The following PIK3C2A variants were observed in gnomAD, a reference collection of about 807,000 sequenced individuals.
The protein encoded by PIK3C2A is phosphatidylinositol 4-phosphate 3-kinase C2 domain-containing subunit alpha.
PIK3C2A carries 97 observed loss-of-function variants against 204.5 expected under a neutral mutation model. The ratio of observed to expected loss-of-function variants is 0.47; its 90% CI spans 0.40 to 0.56. The LOEUF (loss-of-function observed/expected upper bound fraction) is 0.56. Ranked by LOEUF, PIK3C2A falls within the 20% of genes least tolerant of loss-of-function variation. The probability of loss-of-function intolerance (pLI) is 0.00; values close to 1 mark genes in which losing one functional copy is unlikely to be tolerated. For missense variants in PIK3C2A, 1,735 were observed against 1,969.2 expected (o/e 0.88, Z 2.25); for synonymous variants, 653 against 664.4 (o/e 0.98, Z 0.26).
At chr11:17,108,597 C>T (rs898511429) in intron 22 of PIK3C2A, among the ~76,000 whole-genome samples, 4 of 152,012 alleles carry the variant, frequency 2.6e-5, no homozygotes, top group African/African-American at 4.8e-5. Flanking sequence ...GCCTGTATGA[C>T]AGACAGAGTA....
chr11:17,090,535 A>G (rs1005069330), intron 32 of PIK3C2A, among the ~76,000 whole-genome samples: 4 of 152,186 alleles, frequency 2.6e-5, no homozygotes, highest in African/African-American at 9.7e-5. Context: ...GACAAACTGA[A>G]TAGTCTGGAA....
intron 2 of PIK3C2A, among the ~76,000 whole-genome samples, chr11:17,167,257 G>A (rs189661064): frequency 9.2e-5 from 14 of 152,250 alleles, no homozygotes; most frequent in Admixed American, 3.9e-4. Flanking sequence ...ATAAACATGA[G>A]CCATCATGCT....
At chr11:17,190,408 T>G (rs1235464888) in intron 1 of PIK3C2A, among the ~76,000 whole-genome samples, 1 of 151,452 alleles carries the variant, frequency 6.6e-6, no homozygotes, top group African/African-American at 2.4e-5. Flanking sequence ...ACCATCTCTA[T>G]TAAAATACAA....
chr11:17,174,988 T>C (rs1851293353), intron 1 of PIK3C2A, among the ~76,000 whole-genome samples: 1 of 152,222 alleles, frequency 6.6e-6, no homozygotes, highest in Non-Finnish European at 1.5e-5. Flanking sequence ...TCCACAAGCA[T>C]AATGCCAATT....
intron 1 of PIK3C2A, among the ~76,000 whole-genome samples, chr11:17,183,635 C>T (rs1011817486): frequency 6.6e-6 from 1 of 151,858 alleles, no homozygotes; most frequent in Non-Finnish European, 1.5e-5. Context: ...GAGCTGAGAT[C>T]GTGCCACTGC....
At chr11:17,134,423 G>A (rs1849804844) in intron 11 of PIK3C2A, among the ~76,000 whole-genome samples, 1 of 151,760 alleles carries the variant, frequency 6.6e-6, no homozygotes, top group East Asian at 1.9e-4. Flanking sequence ...GTGCAATGGT[G>A]CAATCTTGGC....
At chr11:17,189,812 C>CAAAAAAA (rs759869051) in intron 1 of PIK3C2A, among the ~76,000 whole-genome samples, 7 of 60,354 alleles carry the variant, frequency 1.2e-4, no homozygotes, top group African/African-American at 2.8e-4. Flanking sequence ...GGCTCTGTCT[C>CAAAAAAA]AAAAAAAAAA....
At chr11:17,117,349 A>C in intron 19 of PIK3C2A, 142 bp downstream of exon 19, 2 of 487,970 alleles carry the variant, frequency 4.1e-6, no homozygotes, top group South Asian at 1.1e-4. Context: ...CAATCTTTGA[A>C]TTTATCTGCC....
chr11:17,174,040 G>A (rs11826970), intron 1 of PIK3C2A, among the ~76,000 whole-genome samples: 35,660 of 151,612 alleles, frequency 0.24, 4,596 homozygotes, highest in Middle Eastern at 0.35. Context: ...TGGCCAGGCT[G>A]GTCTTGAACT....
At chr11:17,207,622 T>A (rs1852632621) in intron 1 of PIK3C2A, among the ~76,000 whole-genome samples, 1 of 151,714 alleles carries the variant, frequency 6.6e-6, no homozygotes, top group Non-Finnish European at 1.5e-5. Context: ...TCCTCGCACC[T>A]CCAGCGCAGC....
chr11:17,188,251 A>C (rs1403735076), intron 1 of PIK3C2A, among the ~76,000 whole-genome samples: 2 of 138,152 alleles, frequency 1.4e-5, no homozygotes, highest in Non-Finnish European at 3.0e-5. Flanking sequence ...AGGCAGGAGA[A>C]TCACTTGAGC....
At chr11:17,109,761 CCTA>C (rs1425235485) in intron 22 of PIK3C2A, among the ~76,000 whole-genome samples, 3 of 152,102 alleles carry the variant, frequency 2.0e-5, no homozygotes, top group Admixed American at 2.0e-4. Context: ...GTCTCAAACT[CCTA>C]GACTCAAGTG....
intron 11 of PIK3C2A, among the ~76,000 whole-genome samples, chr11:17,133,106 G>A (rs1268623997): frequency 6.6e-6 from 1 of 151,978 alleles, no homozygotes; most frequent in African/African-American, 2.4e-5. Flanking sequence ...CAAACTATTT[G>A]GTTATTTTTC....
At chr11:17,128,439 A>G (rs1021821413) in intron 13 of PIK3C2A, among the ~76,000 whole-genome samples, 1 of 151,970 alleles carries the variant, frequency 6.6e-6, no homozygotes, top group Admixed American at 6.6e-5. Flanking sequence ...GGATTTCACC[A>G]TGTTGGCCAG....
chr11:17,101,251 A>C (rs1215939591), intron 25 of PIK3C2A, 27 bp downstream of exon 25: 3 of 1,304,932 alleles, frequency 2.3e-6, no homozygotes, highest in Non-Finnish European at 3.1e-6. Context: ...ATATAAAACT[A>C]ATTAAGTGCT....
intron 19 of PIK3C2A, 82 bp from the exon 20 acceptor site, chr11:17,114,547 T>G: frequency 1.5e-6 from 1 of 661,710 alleles, no homozygotes; most frequent in Non-Finnish European, 2.7e-6. Context: ...TGGATACAAT[T>G]TATAAAATGC....
At chr11:17,177,040 G>A (rs1008593100) in intron 1 of PIK3C2A, among the ~76,000 whole-genome samples, 1 of 152,192 alleles carries the variant, frequency 6.6e-6, no homozygotes, top group Admixed American at 6.5e-5. Context: ...AATCTGCTCA[G>A]TCTCACAGCA....
intron 25 of PIK3C2A, among the ~76,000 whole-genome samples, chr11:17,100,627 A>G (rs1848598393): frequency 6.6e-6 from 1 of 152,152 alleles, no homozygotes; most frequent in African/African-American, 2.4e-5. Context: ...CATCACTTGA[A>G]TAGTATACAT....
Position 17,129,317 on chromosome 11 carries a change from A to T in PIK3C2A, c.2382T>A (p.Pro794=). The change falls in exon 13 of 33, where the codon CCT becomes CCA. Residue 794 remains proline, a synonymous_variant. Coordinates refer to ENST00000691414, the MANE Select transcript of PIK3C2A (RefSeq NM_002645.4). ...ATACTTACCGTTTAAAGTCAAAAAGAGGTAAAGAAACTTTGCCCAAAGCTT... is the reference window on the plus strand; with the variant it reads ...ATACTTACCGTTTAAAGTCAAAAAGTGGTAAAGAAACTTTGCCCAAAGCTT... ...GPEALGKVSL[P]LFDFKRFLTC... 4 of 1,613,652 alleles carry T rather than the reference A, an allele frequency of 2.5e-6. No homozygotes were observed. The highest frequency in any genetic ancestry group is 3.4e-6 in the Non-Finnish European group (4 of 1,179,654).
Sources: gnomAD v4.1 joint callset for allele counts (sites outside exome capture counted in the v4.1 genomes callset) on GRCh38, gnomAD v4.1.1 for gene constraint, MANE v1.5 for transcripts, NCBI Gene and HGNC (gene_info 2026-07-23, HGNC 2026-07-21) for gene names.